The following CACNA2D2 variants were observed in gnomAD, a reference collection of about 807,000 sequenced individuals.
CACNA2D2 encodes the protein voltage-dependent calcium channel subunit alpha-2/delta-2.
In CACNA2D2, 48 loss-of-function variants were observed where a neutral mutation model predicts 166.4. The ratio of observed to expected loss-of-function variants is 0.29; its 90% CI spans 0.23 to 0.37. CACNA2D2 has a LOEUF of 0.37. Ranked by LOEUF, CACNA2D2 falls within the 10% of genes least tolerant of loss-of-function variation. The probability of loss-of-function intolerance (pLI) is 1.00; values close to 1 mark genes in which losing one functional copy is unlikely to be tolerated. For missense variants in CACNA2D2, 1,122 were observed against 1,433.0 expected (o/e 0.78, Z 3.50); for synonymous variants, 561 against 573.7 (o/e 0.98, Z 0.32).
chr3:50,488,499 C>T (rs1255236007), intron 1 of CACNA2D2, among the ~76,000 whole-genome samples: 1 of 152,002 alleles, frequency 6.6e-6, no homozygotes, highest in Non-Finnish European at 1.5e-5. Context: ...AATCTTGACC[C>T]CAGGGTGAGG....
rs1474203439 is a variant in CACNA2D2, at chr3:50,364,628, G to C, written c.*38C>G. 2.7e-6 allele frequency: 4 copies of C among 1,475,780 alleles called. No homozygotes were observed. Among genetic ancestry groups the C allele is most frequent in the South Asian group, 2.7e-5 (2 of 73,314 alleles). The allele number at this position is 1,475,780 out of a possible 1,614,324, so 91.4% of individuals were successfully genotyped here. The stretch of plus-strand genomic sequence containing the variant: ...GGAGGGTGGGAAAGGCGAAGAGGCC[G>C]GGTGAGGTGGGAGTGGAGGTGGGGT... On this transcript the variant is annotated 3_prime_UTR_variant, in exon 38 of 38. Transcript: ENST00000424201.
chr3:50,383,501 C>T (rs935882969), intron 6 of CACNA2D2, among the ~76,000 whole-genome samples: 1 of 152,194 alleles, frequency 6.6e-6, no homozygotes, highest in African/African-American at 2.4e-5. Flanking sequence ...GTTTCCTCCT[C>T]CTTTACCTCC....
chr3:50,497,285 A>T (rs965816144), intron 1 of CACNA2D2, among the ~76,000 whole-genome samples: 1 of 152,118 alleles, frequency 6.6e-6, no homozygotes, highest in Non-Finnish European at 1.5e-5. Context: ...GCCCAGGGGG[A>T]GGAGGGGTTT....
intron 1 of CACNA2D2, among the ~76,000 whole-genome samples, chr3:50,499,372 G>A (rs1056104957): frequency 2.0e-5 from 3 of 152,208 alleles, no homozygotes; most frequent in African/African-American, 7.2e-5. Flanking sequence ...TGCAACATCT[G>A]GGCTTAATGC....
chr3:50,460,190 C>T (rs1559970108), intron 2 of CACNA2D2, among the ~76,000 whole-genome samples: 1 of 152,110 alleles, frequency 6.6e-6, no homozygotes, highest in African/African-American at 2.4e-5. Context: ...CAACTAAATG[C>T]AAAGTGGTTC....
At chr3:50,500,488 A>C (rs905476688) in intron 1 of CACNA2D2, among the ~76,000 whole-genome samples, 2 of 152,102 alleles carry the variant, frequency 1.3e-5, no homozygotes, top group African/African-American at 4.8e-5. Flanking sequence ...GAAAGACCTG[A>C]AGAAGGGGGA....
intron 3 of CACNA2D2, 93 bp downstream of exon 3, chr3:50,434,220 G>T: frequency 1.2e-6 from 1 of 855,190 alleles, no homozygotes; most frequent in Non-Finnish European, 1.9e-6. Context: ...AGGGCCACGT[G>T]ATGAAGGCTC....
At position 50,399,120 on chromosome 3, in the gene CACNA2D2, C is replaced by G. The variant is rs1454645534; in HGVS notation, c.406-4952G>C. The stretch of plus-strand genomic sequence containing the variant: ...GGCCTTGGGTGATGGGGGGCTGGGG[C>G]TCTTGGGTGCCCCCACCTTCTTAGA... On this transcript the variant is annotated intron_variant, in intron 3 of 37. Transcript: ENST00000424201. Among the ~76,000 whole-genome samples, 3 of 152,136 alleles carry G rather than the reference C, an allele frequency of 2.0e-5. No individual in the cohort carries two copies. In the South Asian group the frequency reaches 6.2e-4, roughly 31 times the overall value.
intron 2 of CACNA2D2, among the ~76,000 whole-genome samples, chr3:50,470,482 C>G (rs1710022018): frequency 6.6e-6 from 1 of 152,024 alleles, no homozygotes; most frequent in South Asian, 2.1e-4. Flanking sequence ...CGACCTAAGC[C>G]AGTCAGCTGG....
chr3:50,437,729 G>C (rs2106906709), intron 2 of CACNA2D2, among the ~76,000 whole-genome samples: 1 of 152,242 alleles, frequency 6.6e-6, no homozygotes, highest in East Asian at 1.9e-4. Context: ...GAGCCCAGGA[G>C]AGCCCAGGGC....
At chr3:50,436,782 C>G (rs1423535281) in intron 2 of CACNA2D2, among the ~76,000 whole-genome samples, 2 of 152,204 alleles carry the variant, frequency 1.3e-5, no homozygotes, top group Non-Finnish European at 2.9e-5. Flanking sequence ...TGGGGCTGTC[C>G]AAAGCCATCG....
chr3:50,435,540 G>A (rs759100630), intron 2 of CACNA2D2, among the ~76,000 whole-genome samples: 4 of 151,304 alleles, frequency 2.6e-5, no homozygotes, highest in African/African-American at 9.7e-5. Flanking sequence ...AGATAAGGAG[G>A]GGGGAGAGGC....
intron 2 of CACNA2D2, among the ~76,000 whole-genome samples, chr3:50,470,170 G>C (rs1288365746): frequency 6.6e-6 from 1 of 152,216 alleles, no homozygotes; most frequent in Non-Finnish European, 1.5e-5. Context: ...TGTGCAGCCA[G>C]GCCTCTCTGG....
intron 2 of CACNA2D2, among the ~76,000 whole-genome samples, chr3:50,458,225 C>T (rs1709449368): frequency 6.6e-6 from 1 of 152,252 alleles, no homozygotes; most frequent in African/African-American, 2.4e-5. Flanking sequence ...AGATGGGGAA[C>T]TGAGACTTGG....
Position 50,367,405 on chromosome 3 carries a change from G to C in CACNA2D2, c.2390C>G (p.Pro797Arg), listed in dbSNP as rs1352950797. ...LDNHGYVFKP[P>R]HQDALLRPLE... ...GCGGGGACACTCACCATCCTGGTGT[G>C]GGGGCTTGAAGACATAACCGTGGTT... The change falls in exon 27 of 38, where the codon CCA becomes CGA. Residue 797 changes from proline to arginine, a missense_variant. By Grantham distance (103) the Pro-to-Arg change is moderately radical. Coordinates refer to ENST00000424201, the MANE Select transcript of CACNA2D2 (RefSeq NM_006030.4). This position sits in a 1 kb window ranked among gnomAD's most constrained non-coding sequence, Gnocchi z 6.5. 9 of 1,613,516 alleles carry C rather than the reference G, an allele frequency of 5.6e-6. No individual in the cohort carries two copies. The highest frequency in any genetic ancestry group is 1.1e-5 in the South Asian group (1 of 91,076).
intron 22 of CACNA2D2, among the ~76,000 whole-genome samples, chr3:50,373,369 G>A (rs1045969379): frequency 4.0e-5 from 6 of 150,250 alleles, no homozygotes; most frequent in African/African-American, 4.9e-5. Context: ...CCCTCCCAGT[G>A]ACCTCGGGCG....
intron 2 of CACNA2D2, among the ~76,000 whole-genome samples, chr3:50,436,389 T>C (rs1708321027): frequency 6.6e-6 from 1 of 152,232 alleles, no homozygotes; most frequent in South Asian, 2.1e-4. Flanking sequence ...CAGGACCATG[T>C]GGTTCTCCTG....
At chr3:50,469,531 T>C (rs976229067) in intron 2 of CACNA2D2, among the ~76,000 whole-genome samples, 3 of 152,214 alleles carry the variant, frequency 2.0e-5, no homozygotes, top group Non-Finnish European at 4.4e-5. Context: ...TGACAGTGGT[T>C]GTGGGGGTGG....
Position 50,503,233 on chromosome 3 carries a change from A to T in CACNA2D2, c.191T>A (p.Phe64Tyr). 8.4e-7 allele frequency: 1 copy of T among 1,194,558 alleles called. No homozygotes were observed. Among genetic ancestry groups the T allele is most frequent in the Non-Finnish European group, 1.0e-6 (1 of 963,318 alleles). The allele number at this position is 1,194,558 out of a possible 1,614,324, so 74.0% of individuals were successfully genotyped here. ...LAAPGASAYS[F>Y]PQQHTMQHWA... is the part of the protein sequence containing the mutation. ...GGCCACTTACGTGTGCTGCTGGGGGAAGCTGTAGGCAGAGGCGCCGGGGGC... is the reference window on the plus strand; with the variant it reads ...GGCCACTTACGTGTGCTGCTGGGGGTAGCTGTAGGCAGAGGCGCCGGGGGC... The change falls in exon 1 of 38, where the codon TTC (phenylalanine) becomes TAC (tyrosine). Residue 64 changes from phenylalanine (F) to tyrosine (Y), a missense_variant. By Grantham distance (22) the Phe-to-Tyr change is conservative. Coordinates refer to ENST00000424201, the MANE Select transcript of CACNA2D2 (RefSeq NM_006030.4).
Sources: allele counts gnomAD v4.1 joint callset (sites outside exome capture counted in the v4.1 genomes callset), GRCh38; gene constraint gnomAD v4.1.1; non-coding constraint Gnocchi (gnomAD v3.1); transcripts MANE v1.5; gene names NCBI Gene and HGNC (gene_info 2026-07-23, HGNC 2026-07-21).